Variants in JDP2 observed in about 807,000 individuals in gnomAD.
JDP2 encodes the protein Jun dimerization protein 2.
Under a neutral mutation model 17.1 loss-of-function variants are expected in JDP2, and 9 were observed. The observed-to-expected ratio is 0.53, with a 90% CI of 0.32 to 0.92. The LOEUF is 0.92. Among genes scored for constraint, JDP2 ranks in the 40% least tolerant of loss-of-function variants. The pLI is 0.04. For synonymous variants in JDP2, 107 were observed against 95.6 expected (o/e 1.12, Z -0.69); for missense variants, 179 against 220.0 (o/e 0.81, Z 1.18).
chr14:75,429,092 A>G (rs1041662126), intron 1 of JDP2, among the ~76,000 whole-genome samples: 5 of 152,168 alleles, frequency 3.3e-5, no homozygotes, highest in East Asian at 1.9e-4. Flanking sequence ...CTGGGATGGC[A>G]GAGCCAGGCT....
intron 3 of JDP2, among the ~76,000 whole-genome samples, chr14:75,465,467 G>A (rs779218618): frequency 2.0e-4 from 30 of 152,068 alleles, no homozygotes; most frequent in Admixed American, 9.8e-4. Context: ...GAGTAGCTGG[G>A]ACTACAAGCA....
chr14:75,444,198 C>T (rs1455776654), intron 2 of JDP2, among the ~76,000 whole-genome samples: 2 of 152,178 alleles, frequency 1.3e-5, no homozygotes, highest in Non-Finnish European at 2.9e-5. Context: ...GCCACCAACC[C>T]CTGTTGCTGC....
intron 1 of JDP2, among the ~76,000 whole-genome samples, chr14:75,436,331 C>A (rs1156505003): frequency 6.6e-6 from 1 of 152,264 alleles, no homozygotes; most frequent in African/African-American, 2.4e-5. Context: ...CATTAACTGC[C>A]CAACGGAGAA....
At position 75,428,229 on chromosome 14, in the gene JDP2, G is replaced by C. The variant is rs962984487; in HGVS notation, c.-47G>C. 2.7e-5 allele frequency: 4 copies of C among 145,916 alleles called. No homozygotes were observed. The highest frequency in any genetic ancestry group is 6.1e-5 in the Non-Finnish European group (4 of 65,650). The allele number at this position is 145,916 out of a possible 1,614,324, so 9.0% of individuals were successfully genotyped here. A position where few individuals can be genotyped will look rare whatever the true frequency, so the allele number is the denominator to read the frequency against. ...GCCGGGCCCCGGCCCCGGGGGCGCC[G>C]CCTCCCCCCGCACCTTCTGCACGGT... On this transcript the variant is annotated 5_prime_UTR_variant, in exon 1 of 4. Coordinates refer to ENST00000651602, the MANE Select transcript of JDP2 (RefSeq NM_001135048.2). The surrounding 1 kb of genome is among the most constrained non-coding windows in gnomAD (Gnocchi z 5.6).
intron 1 of JDP2, 82 bp from the exon 2 acceptor site, chr14:75,437,816 A>C: frequency 1.1e-6 from 1 of 908,992 alleles, no homozygotes; most frequent in Admixed American, 2.9e-5. Context: ...AAGAAGCCAC[A>C]GTCCTGGCAA....
At chr14:75,433,333 C>CA (rs1435156354) in intron 1 of JDP2, among the ~76,000 whole-genome samples, 1 of 144,616 alleles carries the variant, frequency 6.9e-6, no homozygotes, top group Non-Finnish European at 1.5e-5. Flanking sequence ...GATTTACACA[C>CA]AAAAAATGAG....
intron 2 of JDP2, among the ~76,000 whole-genome samples, chr14:75,449,228 C>T (rs1280479253): frequency 6.6e-6 from 1 of 152,192 alleles, no homozygotes; most frequent in Non-Finnish European, 1.5e-5. Context: ...TTGTTTTTCA[C>T]CTTCATGATG....
In JDP2 at chr14:75,461,445, G is replaced by T; in HGVS notation, c.221G>T (p.Arg74Leu). 6.2e-7 allele frequency: 1 copy of T among 1,608,152 alleles called. No homozygotes were observed. Among genetic ancestry groups the T allele is most frequent in the East Asian group, 2.2e-5 (1 of 44,662 alleles). ...VKSELDEEEERRKRRREKNKV... is the reference protein window; with the variant it reads ...VKSELDEEEELRKRRREKNKV... Reference sequence around the variant, plus strand: ...TCACAGCTAGATGAGGAAGAGGAGCGAAGGAAAAGGCGCCGGGAGAAGAAC... The same window carrying T: ...TCACAGCTAGATGAGGAAGAGGAGCTAAGGAAAAGGCGCCGGGAGAAGAAC... The change falls in exon 3 of 4, where the codon CGA becomes CTA. Residue 74 changes from arginine (R) to leucine (L), a missense_variant. Arg to Leu is a moderately radical substitution (Grantham distance 102). Coordinates refer to ENST00000651602, the MANE Select transcript of JDP2 (RefSeq NM_001135048.2).
Position 75,461,812 on chromosome 14 carries a change from T to G in JDP2, c.306+282T>G, listed in dbSNP as rs1351925900. On this transcript the variant is annotated intron_variant, in intron 3 of 3. Transcript: ENST00000651602. ...CCCTCCACTGAGGTTAGACCCTTGG[T>G]GCTGATTGACCCAGATGGCCCAGGA... Among the ~76,000 whole-genome samples the G allele has an allele frequency of 2.0e-5, 3 of 152,174 alleles. No individual in the cohort carries two copies. In the East Asian group the frequency reaches 5.8e-4, roughly 29 times the overall value.
At chr14:75,438,828 C>A (rs888984922) in intron 2 of JDP2, among the ~76,000 whole-genome samples, 7 of 152,270 alleles carry the variant, frequency 4.6e-5, no homozygotes, top group Non-Finnish European at 8.8e-5. Context: ...CAGCAGCAGT[C>A]CCCGGCATGG....
chr14:75,471,405 T>C lies in JDP2; in HGVS notation c.*1930T>C, dbSNP rs1391203051. On this transcript the variant is annotated 3_prime_UTR_variant, in exon 4 of 4. Coordinates refer to ENST00000651602, the MANE Select transcript of JDP2 (RefSeq NM_001135048.2). ...GAAGGCGGGAGAGGTGTTTTTAGCT[T>C]CCTTGTATACTGAAGCTTGCAAAGG... The C allele has an allele frequency of 6.6e-6, 1 of 152,224 alleles. No homozygotes were observed. Among genetic ancestry groups the C allele is most frequent in the Non-Finnish European group, 1.5e-5 (1 of 68,058 alleles). The allele number at this position is 152,224 out of a possible 1,614,324, so 9.4% of individuals were successfully genotyped here.
intron 1 of JDP2, among the ~76,000 whole-genome samples, chr14:75,429,319 G>A (rs2140026908): frequency 6.6e-6 from 1 of 152,278 alleles, no homozygotes; most frequent in South Asian, 2.1e-4. Context: ...CGTGTGCTCA[G>A]GGCAAATGTG....
chr14:75,431,734 G>T (rs747766447), intron 1 of JDP2, among the ~76,000 whole-genome samples: 1 of 152,228 alleles, frequency 6.6e-6, no homozygotes. Flanking sequence ...GAGCTGGAAA[G>T]TGGGAGAGCG....
intron 3 of JDP2, 36 bp from the exon 4 acceptor site, chr14:75,469,254 G>T (rs1269243156): frequency 6.3e-7 from 1 of 1,595,136 alleles, no homozygotes; most frequent in Non-Finnish European, 8.6e-7. Flanking sequence ...GCCAGTCCCC[G>T]TGAAACTCAC....
Position 75,430,363 on chromosome 14 carries a change from G to C in JDP2, c.-24+2111G>C, listed in dbSNP as rs1490984555. ...AACTTGAGCAATCAGAGCCAGGGTT[G>C]AGGGCAAGCTACATTCTTTTCTGCC... On this transcript the variant is annotated intron_variant, in intron 1 of 3. Coordinates refer to ENST00000651602, the MANE Select transcript of JDP2 (RefSeq NM_001135048.2). The surrounding 1 kb of genome is among the most constrained non-coding windows in gnomAD (Gnocchi z 4.5). Among the ~76,000 whole-genome samples the C allele has an allele frequency of 6.6e-6, 1 of 152,224 alleles. No homozygotes were observed. The highest frequency in any genetic ancestry group is 1.5e-5 in the Non-Finnish European group (1 of 68,046).
chr14:75,449,185 C>T (rs892821099), intron 2 of JDP2, among the ~76,000 whole-genome samples: 21 of 152,192 alleles, frequency 1.4e-4, no homozygotes, highest in African/African-American at 4.3e-4. Flanking sequence ...TTAAATGGAA[C>T]TGCCTTGGTA....
At position 75,461,449 on chromosome 14, in the gene JDP2, G is replaced by A. The variant is rs147544999; in HGVS notation, c.225G>A (p.Arg75=). 5 of 1,608,858 alleles carry A rather than the reference G, an allele frequency of 3.1e-6. No individual in the cohort carries two copies. In the African/African-American group the frequency reaches 5.3e-5, roughly 17 times the overall value. Residue 75 remains arginine (R), a synonymous_variant, in exon 3 of 4, where the codon AGG becomes AGA. Transcript: ENST00000651602. ...AGCTAGATGAGGAAGAGGAGCGAAG[G>A]AAAAGGCGCCGGGAGAAGAACAAAG... The part of the protein sequence containing the change: ...KSELDEEEER[R]KRRREKNKVA...
chr14:75,463,222 T>C (rs990909120), intron 3 of JDP2, among the ~76,000 whole-genome samples: 1 of 152,262 alleles, frequency 6.6e-6, no homozygotes, highest in African/African-American at 2.4e-5. Context: ...GCTGAGCACC[T>C]ACTGTGTGCC....
intron 3 of JDP2, 125 bp from the exon 4 acceptor site, chr14:75,469,165 G>C (rs1289124263): frequency 1.2e-6 from 1 of 831,604 alleles, no homozygotes; most frequent in Non-Finnish European, 1.9e-6. Context: ...AGCAGGGTCT[G>C]TGCTTCTTCC....
Sources: allele counts gnomAD v4.1 joint callset (sites outside exome capture counted in the v4.1 genomes callset), GRCh38; gene constraint gnomAD v4.1.1; non-coding constraint Gnocchi (gnomAD v3.1); transcripts MANE v1.5; gene names NCBI Gene and HGNC (gene_info 2026-07-23, HGNC 2026-07-21).